CTNNA3: variants seen among roughly 807,000 people sequenced by gnomAD.
CTNNA3 encodes catenin alpha-3.
CTNNA3 carries 76 observed loss-of-function variants against 95.7 expected under a neutral mutation model. That is an observed-to-expected ratio of 0.79 (90% confidence interval 0.66 to 0.96). The LOEUF (loss-of-function observed/expected upper bound fraction) is 0.96, where lower values mean the gene tolerates loss of function less well. Among genes scored for constraint, CTNNA3 ranks in the 40% least tolerant of loss-of-function variants. The pLI, the probability that CTNNA3 is intolerant of heterozygous loss-of-function variation, is 0.00. For missense variants in CTNNA3, 1,191 were observed against 1,089.8 expected (o/e 1.09, Z -1.31); for synonymous variants, 431 against 374.4 (o/e 1.15, Z -1.74).
At chr10:66,929,718 C>G (rs1016934675) in intron 7 of CTNNA3, among the ~76,000 whole-genome samples, 36 of 152,196 alleles carry the variant, frequency 2.4e-4, no homozygotes, top group African/African-American at 8.2e-4. Context: ...TCCATCAGTA[C>G]AGTTCTGTAC....
At position 65,916,405 on chromosome 10, in the gene CTNNA3, A is replaced by G. The variant is rs2077009052; in HGVS notation, c.*3925T>C. 6.6e-6 allele frequency: 1 copy of G among 152,150 alleles called. No individual in the cohort carries two copies. Among genetic ancestry groups the G allele is most frequent in the Non-Finnish European group, 1.5e-5 (1 of 68,032 alleles). 9.4% of individuals were successfully genotyped at this position (152,150 alleles called of 1,614,324 possible). A position where few individuals can be genotyped will look rare whatever the true frequency, so the allele number is the denominator to read the frequency against. On this transcript the variant is annotated 3_prime_UTR_variant, in exon 18 of 18. Coordinates refer to ENST00000433211, the MANE Select transcript of CTNNA3 (RefSeq NM_013266.4). ...CCAACCTAAAGAACTACTTACAATG[A>G]AAGTGAAAGAGGCTGTTTATTCTGC...
Position 65,913,803 on chromosome 10 carries a change from C to T in CTNNA3, c.*6527G>A, listed in dbSNP as rs34044245. 0.21 allele frequency: 31,970 copies of T among 152,002 alleles called. 4,037 individuals carry two copies. The highest frequency in any genetic ancestry group is 0.34 in the Middle Eastern group (101 of 296). The allele number at this position is 152,002 out of a possible 1,614,324, so 9.4% of individuals were successfully genotyped here. A position where few individuals can be genotyped will look rare whatever the true frequency, so the allele number is the denominator to read the frequency against. On this transcript the variant is annotated 3_prime_UTR_variant, in exon 18 of 18. Transcript: ENST00000433211. ...TGTTAAAAGCCCAGGTCAAGGAAAT[C>T]CCTTAGTAGAAGCTCAACTCTCAGT... is the stretch of plus-strand genomic sequence containing the variant.
chr10:66,622,554 T>TG (rs1193676364), intron 9 of CTNNA3, among the ~76,000 whole-genome samples: 4 of 152,270 alleles, frequency 2.6e-5, no homozygotes, highest in African/African-American at 9.6e-5. Flanking sequence ...ACCCCACTCT[T>TG]GTTCAAGATT....
intron 13 of CTNNA3, among the ~76,000 whole-genome samples, chr10:66,206,991 T>C (rs1438253364): frequency 6.6e-6 from 1 of 151,938 alleles, no homozygotes; most frequent in Admixed American, 6.6e-5. Context: ...TGGCAGTCTC[T>C]TGGCAGATAA....
chr10:66,037,709 C>T (rs1457131063), intron 15 of CTNNA3, among the ~76,000 whole-genome samples: 1 of 152,160 alleles, frequency 6.6e-6, no homozygotes. Flanking sequence ...AGTATCCTGC[C>T]TTGCCCTTGT....
chr10:66,942,493 C>T (rs538202861), intron 7 of CTNNA3, among the ~76,000 whole-genome samples: 234 of 151,954 alleles, frequency 1.5e-3, no homozygotes, highest in Non-Finnish European at 2.3e-3. Context: ...ATAAACATTA[C>T]TTGAGGAATT....
intron 15 of CTNNA3, among the ~76,000 whole-genome samples, chr10:66,024,085 A>ATCTTTTTT (rs2079282910): frequency 1.1e-5 from 1 of 87,750 alleles, no homozygotes; most frequent in Non-Finnish European, 2.1e-5. Context: ...TACCATACAC[A>ATCTTTTTT]TTTTTTTTTT....
chr10:66,522,773 G>A (rs969139327), intron 10 of CTNNA3, among the ~76,000 whole-genome samples: 3 of 151,056 alleles, frequency 2.0e-5, no homozygotes, highest in Admixed American at 6.6e-5. Flanking sequence ...GTCCACGCAC[G>A]TTATCACAAG....
intron 16 of CTNNA3, among the ~76,000 whole-genome samples, chr10:65,971,561 A>G (rs897170798): frequency 1.3e-5 from 2 of 152,018 alleles, no homozygotes; most frequent in Non-Finnish European, 2.9e-5. Flanking sequence ...CATACAAACT[A>G]GAAAATCTAG....
At chr10:67,315,189 C>T (rs1236048988) in intron 5 of CTNNA3, among the ~76,000 whole-genome samples, 1 of 152,150 alleles carries the variant, frequency 6.6e-6, no homozygotes, top group African/African-American at 2.4e-5. Context: ...ATCTTCAGCC[C>T]AACCTCTCTA....
intron 6 of CTNNA3, among the ~76,000 whole-genome samples, chr10:67,185,752 T>G (rs1862809777): frequency 6.6e-6 from 1 of 152,122 alleles, no homozygotes; most frequent in South Asian, 2.1e-4. Flanking sequence ...CCAGGTGCAG[T>G]GGCTCACACC....
At chr10:66,759,017 A>G (rs763054087) in intron 9 of CTNNA3, among the ~76,000 whole-genome samples, 2 of 152,156 alleles carry the variant, frequency 1.3e-5, no homozygotes, top group Non-Finnish European at 2.9e-5. Context: ...ACAACTTTTG[A>G]CCTGTTAATG....
intron 7 of CTNNA3, among the ~76,000 whole-genome samples, chr10:66,915,451 G>A: frequency 6.6e-6 from 1 of 151,842 alleles, no homozygotes; most frequent in East Asian, 1.9e-4. Flanking sequence ...AAAAAACTTA[G>A]ACATGAAATT....
At chr10:67,649,802 C>G (rs903854205) in intron 1 of CTNNA3, among the ~76,000 whole-genome samples, 1 of 152,146 alleles carries the variant, frequency 6.6e-6, no homozygotes, top group Non-Finnish European at 1.5e-5. Flanking sequence ...AAAAATCCTA[C>G]TAGGTTGTAA....
chr10:66,335,239 C>A (rs949959545), intron 12 of CTNNA3, among the ~76,000 whole-genome samples: 1 of 152,106 alleles, frequency 6.6e-6, no homozygotes, highest in Non-Finnish European at 1.5e-5. Flanking sequence ...TCGTCAAAGT[C>A]ATTCTCTGTC....
At chr10:66,796,482 A>G (rs1208183785) in intron 7 of CTNNA3, among the ~76,000 whole-genome samples, 1 of 152,090 alleles carries the variant, frequency 6.6e-6, no homozygotes, top group Admixed American at 6.6e-5. Context: ...CGCTGATCAC[A>G]GACCACTGTA....
chr10:66,505,823 T>C (rs941096752), intron 11 of CTNNA3, among the ~76,000 whole-genome samples: 1 of 152,142 alleles, frequency 6.6e-6, no homozygotes, highest in South Asian at 2.1e-4. Context: ...CGTCTGGAGA[T>C]GGTGTTCTAA....
chr10:67,563,398 T>A (rs1195496133), intron 3 of CTNNA3, among the ~76,000 whole-genome samples: 3 of 152,184 alleles, frequency 2.0e-5, no homozygotes, highest in African/African-American at 4.8e-5. Flanking sequence ...AGGAAAGGAT[T>A]CCCTATTTAA....
chr10:66,052,431 CAAGGT>C (rs2079977992), intron 15 of CTNNA3, among the ~76,000 whole-genome samples: 1 of 111,846 alleles, frequency 8.9e-6, no homozygotes. Context: ...TATCTGTACT[CAAGGT>C]AAAGCATTCG....
Sources: gnomAD v4.1 joint callset for allele counts (sites outside exome capture counted in the v4.1 genomes callset) on GRCh38, gnomAD v4.1.1 for gene constraint, MANE v1.5 for transcripts, NCBI Gene and HGNC (gene_info 2026-07-23, HGNC 2026-07-21) for gene names.